COL4A1: variants seen among roughly 807,000 people sequenced by gnomAD.
COL4A1 encodes collagen type IV alpha 1 chain.
COL4A1 carries 40 observed loss-of-function variants against 216.6 expected under a neutral mutation model. The observed-to-expected ratio is 0.18, with a 90% CI of 0.14 to 0.24. COL4A1 has a LOEUF of 0.24. Ranked by LOEUF, COL4A1 falls within the 10% of genes least tolerant of loss-of-function variation. The pLI is 1.00. For missense variants in COL4A1, 1,628 were observed against 2,196.8 expected (o/e 0.74, Z 5.18); for synonymous variants, 839 against 810.7 (o/e 1.03, Z -0.59).
chr13:110,178,993 T>G lies in COL4A1; in HGVS notation c.2388A>C (p.Pro796=). ...CAGGGGGGCCTATTCCTGGAACTCC[T>G]GGAGACCCCACGGAGCCTGGCAATC... ...PPGLPGSVGS[P]GVPGIGPPGA... The change falls in exon 31 of 52, where the codon CCA becomes CCC. Residue 796 remains proline (P), a synonymous_variant. Coordinates refer to ENST00000375820, the MANE Select transcript of COL4A1 (RefSeq NM_001845.6). 1 of 1,612,140 alleles carries G rather than the reference T, an allele frequency of 6.2e-7. No individual in the cohort carries two copies. The highest frequency in any genetic ancestry group is 1.1e-5 in the South Asian group (1 of 90,560).
chr13:110,305,116 A>G (rs1225124078), intron 1 of COL4A1, among the ~76,000 whole-genome samples: 2 of 152,242 alleles, frequency 1.3e-5, no homozygotes, highest in Admixed American at 6.5e-5. Flanking sequence ...TCATCTGCAC[A>G]TTAAGCACTT....
chr13:110,204,013 T>G (rs548199631), intron 17 of COL4A1, among the ~76,000 whole-genome samples: 1 of 152,324 alleles, frequency 6.6e-6, no homozygotes, highest in East Asian at 1.9e-4. Context: ...TTTTCTTAAA[T>G]AAATCATTTT....
chr13:110,170,271 G>A (rs905401899), intron 42 of COL4A1, among the ~76,000 whole-genome samples: 2 of 152,170 alleles, frequency 1.3e-5, no homozygotes, highest in African/African-American at 4.8e-5. Flanking sequence ...CAAGTGCTGC[G>A]CTGGTTTAAG....
intron 2 of COL4A1, among the ~76,000 whole-genome samples, chr13:110,239,957 G>A (rs925532773): frequency 6.6e-6 from 1 of 152,150 alleles, no homozygotes; most frequent in Non-Finnish European, 1.5e-5. Flanking sequence ...GTGGGAGGAA[G>A]GGCTCTTTCC....
At chr13:110,174,566 G>C (rs1173248228) in intron 38 of COL4A1, 40 bp from the exon 39 acceptor site, 3 of 1,613,992 alleles carry the variant, frequency 1.9e-6, no homozygotes, top group Non-Finnish European at 2.5e-6. Flanking sequence ...CCATAAGTTT[G>C]GGCTTTTCTT....
At chr13:110,214,439 G>A (rs916961853) in intron 2 of COL4A1, among the ~76,000 whole-genome samples, 1 of 152,184 alleles carries the variant, frequency 6.6e-6, no homozygotes, top group Non-Finnish European at 1.5e-5. Context: ...AGGATAATCA[G>A]AGAGCTGGTA....
At chr13:110,225,103 G>A (rs1462619051) in intron 2 of COL4A1, among the ~76,000 whole-genome samples, 1 of 152,048 alleles carries the variant, frequency 6.6e-6, no homozygotes. Flanking sequence ...CCTGCCAGGG[G>A]ACATCCAGGG....
At chr13:110,257,257 C>T (rs1396217968) in intron 1 of COL4A1, among the ~76,000 whole-genome samples, 2 of 152,224 alleles carry the variant, frequency 1.3e-5, no homozygotes, top group East Asian at 1.9e-4. Context: ...GAATAACGAA[C>T]ATGTGGAAGA....
intron 1 of COL4A1, among the ~76,000 whole-genome samples, chr13:110,280,207 A>C (rs1350461134): frequency 4.6e-5 from 7 of 152,222 alleles, no homozygotes; most frequent in Admixed American, 1.3e-4. Flanking sequence ...TAACTTGTTC[A>C]ATGAGCCAAT....
At chr13:110,291,654 A>G (rs1462670587) in intron 1 of COL4A1, among the ~76,000 whole-genome samples, 1 of 152,168 alleles carries the variant, frequency 6.6e-6, no homozygotes, top group African/African-American at 2.4e-5. Flanking sequence ...CCCCAAGTAC[A>G]TCGCACCTTT....
chr13:110,208,773 T>G, intron 12 of COL4A1, 76 bp downstream of exon 12: 1 of 1,359,552 alleles, frequency 7.4e-7, no homozygotes, highest in Non-Finnish European at 1.1e-6. Flanking sequence ...GTCCAGACAT[T>G]GATCCAAAGG....
intron 15 of COL4A1, among the ~76,000 whole-genome samples, chr13:110,206,204 G>C (rs191338026): frequency 1.1e-4 from 16 of 152,320 alleles, no homozygotes; most frequent in Non-Finnish European, 1.5e-5. Flanking sequence ...GCAGGTTTCT[G>C]CATGCTCCTT....
chr13:110,191,009 A>G (rs1264590067), intron 24 of COL4A1: 1 of 152,310 alleles, frequency 6.6e-6, no homozygotes, highest in Non-Finnish European at 1.5e-5. Flanking sequence ...CATAGAGGTT[A>G]AAAACGTCCT....
intron 1 of COL4A1, among the ~76,000 whole-genome samples, chr13:110,289,647 G>A (rs557003919): frequency 4.5e-4 from 68 of 152,310 alleles, no homozygotes; most frequent in African/African-American, 1.4e-3. Flanking sequence ...CATGTTAGAC[G>A]TTACACTGCA....
intron 1 of COL4A1, chr13:110,265,419 T>G (rs769308047): frequency 2.0e-5 from 3 of 152,250 alleles, no homozygotes; most frequent in Admixed American, 1.3e-4. Context: ...CACCCTAAAC[T>G]ACAGCTGTGT....
intron 1 of COL4A1, among the ~76,000 whole-genome samples, chr13:110,276,677 G>A (rs774284659): frequency 4.6e-5 from 7 of 152,088 alleles, no homozygotes; most frequent in African/African-American, 1.7e-4. Flanking sequence ...TTTCAGTGTG[G>A]TACTCCACAC....
chr13:110,227,277 T>G (rs1729242641), intron 2 of COL4A1, among the ~76,000 whole-genome samples: 1 of 152,076 alleles, frequency 6.6e-6, no homozygotes, highest in African/African-American at 2.4e-5. Context: ...ATAAACTTTC[T>G]AATAAAAATA....
intron 2 of COL4A1, among the ~76,000 whole-genome samples, chr13:110,214,682 A>G (rs1180671652): frequency 6.6e-6 from 1 of 152,130 alleles, no homozygotes; most frequent in African/African-American, 2.4e-5. Context: ...TGGCCTTCAG[A>G]TTCAGGGACT....
rs1282282108 is a variant in COL4A1 at position 110,222,768 on chromosome 13, G to A, written c.145-8753C>T. Among the ~76,000 whole-genome samples, 10 of 52,246 alleles carry A rather than the reference G, an allele frequency of 1.9e-4. No individual in the cohort carries two copies. The Admixed American group carries it at 2.8e-3, about 15-fold the overall frequency. 34.3% of individuals were successfully genotyped at this position (52,246 alleles called of 152,430 possible). A position where few individuals can be genotyped will look rare whatever the true frequency, so the allele number is the denominator to read the frequency against. Reference sequence around the variant, plus strand: ...AGCCTGGGCGACAGAGCCAGACTCTGCTTTAAAAAAAAAAAAAAAAAAAAA... The same window carrying A: ...AGCCTGGGCGACAGAGCCAGACTCTACTTTAAAAAAAAAAAAAAAAAAAAA... On this transcript the variant is annotated intron_variant, in intron 2 of 51. Transcript: ENST00000375820.
Sources: allele counts gnomAD v4.1 joint callset (sites outside exome capture counted in the v4.1 genomes callset), GRCh38; gene constraint gnomAD v4.1.1; transcripts MANE v1.5; gene names NCBI Gene and HGNC (gene_info 2026-07-23, HGNC 2026-07-21).